TMEM163: variants seen among roughly 807,000 people sequenced by gnomAD.
The protein encoded by TMEM163 is transmembrane protein 163.
A neutral mutation model predicts 29.3 loss-of-function variants in TMEM163; 17 were observed. The ratio of observed to expected loss-of-function variants is 0.58; its 90% CI spans 0.40 to 0.87. The LOEUF is 0.87. Ranked by LOEUF, TMEM163 falls within the 40% of genes least tolerant of loss-of-function variation. The probability of loss-of-function intolerance (pLI) is 0.00; values close to 1 mark genes in which losing one functional copy is unlikely to be tolerated. For synonymous variants in TMEM163, 157 were observed against 160.6 expected, an observed-to-expected ratio of 0.98 and a Z score of 0.17; for missense variants, 303 against 381.5, an observed-to-expected ratio of 0.79 and a Z score of 1.71.
At chr2:134,659,964 C>CAAGAAAAT (rs1683711378) in intron 2 of TMEM163, among the ~76,000 whole-genome samples, 2 of 152,008 alleles carry the variant, frequency 1.3e-5, no homozygotes, top group African/African-American at 4.8e-5. Context: ...TCAACAAAGA[C>CAAGAAAAT]AAGAAAATTA....
intron 2 of TMEM163, among the ~76,000 whole-genome samples, chr2:134,672,841 C>T (rs1684022065): frequency 6.6e-6 from 1 of 152,134 alleles, no homozygotes; most frequent in Non-Finnish European, 1.5e-5. Flanking sequence ...ATCAATTCTA[C>T]CTCCCCATCT....
intron 2 of TMEM163, among the ~76,000 whole-genome samples, chr2:134,681,853 A>G (rs576244337): frequency 1.3e-5 from 2 of 152,314 alleles, no homozygotes; most frequent in Admixed American, 1.3e-4. Context: ...ACATACCCCA[A>G]AGCACCTTGG....
At chr2:134,679,098 A>T (rs572487736) in intron 2 of TMEM163, among the ~76,000 whole-genome samples, 1 of 152,222 alleles carries the variant, frequency 6.6e-6, no homozygotes, top group Non-Finnish European at 1.5e-5. Context: ...AAGGTCCCAG[A>T]GACCAGGCCA....
intron 2 of TMEM163, among the ~76,000 whole-genome samples, chr2:134,646,766 A>G (rs1217377151): frequency 6.6e-6 from 1 of 152,194 alleles, no homozygotes; most frequent in East Asian, 1.9e-4. Context: ...TTTAAACTAA[A>G]TACAAATCCT....
At chr2:134,518,380 A>C (rs900110719) in intron 4 of TMEM163, among the ~76,000 whole-genome samples, 1 of 152,202 alleles carries the variant, frequency 6.6e-6, no homozygotes, top group African/African-American at 2.4e-5. Flanking sequence ...TGCCTCAATC[A>C]CTAGTACAAG....
rs566544401 is a variant in TMEM163, at chr2:134,531,253, A to C, written c.458+19317T>G. 2.6e-5 allele frequency among the ~76,000 whole-genome samples: 4 copies of C among 152,358 alleles called. No individual in the cohort carries two copies. The South Asian group carries it at 8.3e-4, about 32-fold the overall frequency. ...GTGGTGTGTGGGTATGAGAAAACCA[A>C]ACTCAAGATATTTTTCTCTTGTCAC... On this transcript the variant is annotated intron_variant, in intron 4 of 7. Transcript: ENST00000281924.
At chr2:134,516,714 T>TATATATGCATATATATGC (rs749003813) in intron 4 of TMEM163, among the ~76,000 whole-genome samples, 1 of 112,664 alleles carries the variant, frequency 8.9e-6, no homozygotes, top group African/African-American at 3.1e-5. Context: ...CATATATACA[T>TATATATGCATATATATGC]ATATATTCAT....
intron 4 of TMEM163, among the ~76,000 whole-genome samples, chr2:134,509,084 G>A (rs579932): frequency 0.4 from 60,294 of 152,030 alleles, 12,193 homozygotes; most frequent in South Asian, 0.62. Context: ...ACAAAAGTCA[G>A]CATGAGGAAC....
intron 2 of TMEM163, among the ~76,000 whole-genome samples, chr2:134,682,687 C>T (rs1390837165): frequency 6.6e-6 from 1 of 152,212 alleles, no homozygotes; most frequent in Non-Finnish European, 1.5e-5. Context: ...TCATTCATTA[C>T]TGCCGGGAAT....
At chr2:134,601,547 C>T (rs992979327) in intron 2 of TMEM163, among the ~76,000 whole-genome samples, 5 of 152,220 alleles carry the variant, frequency 3.3e-5, no homozygotes, top group East Asian at 1.9e-4. Context: ...AAAGGCAATT[C>T]GGCAGGGCTG....
intron 2 of TMEM163, among the ~76,000 whole-genome samples, chr2:134,561,339 G>T: frequency 6.6e-6 from 1 of 152,146 alleles, no homozygotes; most frequent in African/African-American, 2.4e-5. Flanking sequence ...GAGTAGCTGG[G>T]ACTACAGGCA....
intron 6 of TMEM163, among the ~76,000 whole-genome samples, chr2:134,463,475 C>T (rs79831925): frequency 0.014 from 2,087 of 152,364 alleles, 19 homozygotes; most frequent in Non-Finnish European, 0.022. Context: ...GAAGGCCATG[C>T]AGATGAACCT....
chr2:134,545,235 G>A (rs994649656), intron 4 of TMEM163, among the ~76,000 whole-genome samples: 33 of 151,944 alleles, frequency 2.2e-4, no homozygotes, highest in African/African-American at 7.5e-4. Context: ...AACCCCACCC[G>A]CACCCCCAGG....
intron 2 of TMEM163, among the ~76,000 whole-genome samples, chr2:134,631,231 GAAGGGTCCTAGAT>G (rs1682960735): frequency 6.6e-6 from 1 of 152,170 alleles, no homozygotes; most frequent in Non-Finnish European, 1.5e-5. Context: ...AGGCAGTTGG[GAAGGGTCCTAGAT>G]AAGCACAGCT....
At chr2:134,583,977 C>T (rs1011607217) in intron 2 of TMEM163, among the ~76,000 whole-genome samples, 1 of 152,202 alleles carries the variant, frequency 6.6e-6, no homozygotes. Flanking sequence ...ATTTCTCACT[C>T]CCTGAGGCAG....
intron 4 of TMEM163, among the ~76,000 whole-genome samples, chr2:134,504,686 C>T (rs1234246763): frequency 6.6e-6 from 1 of 152,146 alleles, no homozygotes; most frequent in Non-Finnish European, 1.5e-5. Flanking sequence ...CCTACAGAAC[C>T]TACATGAATG....
chr2:134,554,549 C>T (rs569264854), intron 2 of TMEM163, among the ~76,000 whole-genome samples: 2 of 152,230 alleles, frequency 1.3e-5, no homozygotes, highest in African/African-American at 4.8e-5. Flanking sequence ...AATCACTTCC[C>T]CCGACTCGCT....
At chr2:134,685,428 C>T (rs142918663) in intron 2 of TMEM163, among the ~76,000 whole-genome samples, 2 of 152,292 alleles carry the variant, frequency 1.3e-5, no homozygotes, top group African/African-American at 2.4e-5. Flanking sequence ...TTATCATGAG[C>T]AGTTTTGGGA....
chr2:134,667,034 A>T (rs1028433661), intron 2 of TMEM163, among the ~76,000 whole-genome samples: 1 of 152,030 alleles, frequency 6.6e-6, no homozygotes, highest in Non-Finnish European at 1.5e-5. Flanking sequence ...TCTACTCATC[A>T]CTCATGATTA....
Sources: allele counts gnomAD v4.1 joint callset (sites outside exome capture counted in the v4.1 genomes callset), GRCh38; gene constraint gnomAD v4.1.1; transcripts MANE v1.5; gene names NCBI Gene and HGNC (gene_info 2026-07-23, HGNC 2026-07-21).